KIF6: variants seen among roughly 807,000 people sequenced by gnomAD.
KIF6 encodes the protein kinesin family member 6.
A neutral mutation model predicts 112.7 loss-of-function variants in KIF6; 106 were observed. The ratio of observed to expected loss-of-function variants is 0.94; its 90% CI spans 0.80 to 1.11. The LOEUF is 1.11. Ranked by LOEUF, KIF6 falls within the 50% of genes least tolerant of loss-of-function variation. The pLI is 0.00. For synonymous variants in KIF6, 339 were observed against 339.9 expected, an observed-to-expected ratio of 1.00 and a Z score of 0.03; for missense variants, 929 against 964.0, an observed-to-expected ratio of 0.96 and a Z score of 0.48.
chr6:39,506,953 G>A lies in KIF6; in HGVS notation c.1645+33050C>T, dbSNP rs545265097. ...CCTGGAAACTCCAGGCCATCCCCAT[G>A]CCTTGCCCTGTGCCTCTCTTCCACT... On this transcript the variant is annotated intron_variant, in intron 13 of 22. Transcript: ENST00000287152. 9.9e-5 allele frequency among the ~76,000 whole-genome samples: 15 copies of A among 152,274 alleles called. No homozygotes were observed. The South Asian group carries it at 3.1e-3, about 32-fold the overall frequency.
At chr6:39,487,990 C>CATCTGTCTATCT (rs1775222582) in intron 13 of KIF6, among the ~76,000 whole-genome samples, 1 of 150,876 alleles carries the variant, frequency 6.6e-6, no homozygotes, top group African/African-American at 2.4e-5. Flanking sequence ...CATTTATAGG[C>CATCTGTCTATCT]ATCTATCTAT....
At chr6:39,396,579 A>G (rs891927191) in intron 15 of KIF6, among the ~76,000 whole-genome samples, 8 of 152,158 alleles carry the variant, frequency 5.3e-5, no homozygotes, top group African/African-American at 1.9e-4. Flanking sequence ...TAATGGAAAG[A>G]GCATGGGTTC....
At chr6:39,540,604 C>T (rs530857309) in intron 12 of KIF6, among the ~76,000 whole-genome samples, 3 of 152,308 alleles carry the variant, frequency 2.0e-5, no homozygotes, top group East Asian at 1.9e-4. Context: ...ATGTATCAGC[C>T]CCCTGGGCGA....
chr6:39,391,970 T>C (rs1445595535), intron 15 of KIF6, among the ~76,000 whole-genome samples: 1 of 152,214 alleles, frequency 6.6e-6, no homozygotes, highest in Non-Finnish European at 1.5e-5. Context: ...TGTGTGTGTG[T>C]GTGTATACAT....
rs114907578 is a variant in KIF6 at position 39,364,070 on chromosome 6, C to T, written c.1862-1552G>A. 4.4e-3 allele frequency among the ~76,000 whole-genome samples: 669 copies of T among 151,970 alleles called. 5 individuals are homozygous for T. The highest frequency in any genetic ancestry group is 0.015 in the African/African-American group (637 of 41,386). On this transcript the variant is annotated intron_variant, in intron 16 of 22. Coordinates refer to ENST00000287152, the MANE Select transcript of KIF6 (RefSeq NM_145027.6). ...GGTCCCTTAAATATCTGAACAACAACATCAAAATATCACATGTGTCTGGAA... is the reference window on the plus strand; with the variant it reads ...GGTCCCTTAAATATCTGAACAACAATATCAAAATATCACATGTGTCTGGAA...
At chr6:39,584,827 C>A in intron 9 of KIF6, 71 bp downstream of exon 9, 2 of 894,920 alleles carry the variant, frequency 2.2e-6, no homozygotes. Flanking sequence ...AGAGCAAGTG[C>A]ACCTACAAGT....
chr6:39,620,442 C>T (rs1304905138), intron 5 of KIF6: 1 of 152,182 alleles, frequency 6.6e-6, no homozygotes, highest in Non-Finnish European at 1.5e-5. Flanking sequence ...AAAACCATAG[C>T]ATTTCCTCTG....
At chr6:39,708,556 C>G (rs556619200) in intron 3 of KIF6, among the ~76,000 whole-genome samples, 1 of 152,298 alleles carries the variant, frequency 6.6e-6, no homozygotes, top group African/African-American at 2.4e-5. Flanking sequence ...AGTGCACATT[C>G]TATTCATTTT....
In KIF6 at chr6:39,624,134, T is replaced by C. The variant is rs181088244; in HGVS notation, c.509+10715A>G. On this transcript the variant is annotated intron_variant, in intron 5 of 22. Coordinates refer to ENST00000287152, the MANE Select transcript of KIF6 (RefSeq NM_145027.6). ...CAGCTCTAAATCATGTGTATGCTCT[T>C]TTCACATGTACATACATTATTAGTG... is the stretch of plus-strand genomic sequence containing the variant. Among the ~76,000 whole-genome samples the C allele has an allele frequency of 5.3e-5, 8 of 152,300 alleles. No homozygotes were observed. In the East Asian group the frequency reaches 1.5e-3, roughly 29 times the overall value.
intron 13 of KIF6, among the ~76,000 whole-genome samples, chr6:39,528,827 C>T (rs1777886500): frequency 1.3e-5 from 2 of 152,154 alleles, no homozygotes; most frequent in Non-Finnish European, 2.9e-5. Context: ...AATGTATTCC[C>T]TATCAGAATT....
intron 5 of KIF6, among the ~76,000 whole-genome samples, chr6:39,624,896 T>G (rs1360979180): frequency 8.1e-6 from 1 of 124,192 alleles, no homozygotes; most frequent in Non-Finnish European, 1.5e-5. Context: ...TTGTGTCCCC[T>G]CCAAATTCAT....
intron 13 of KIF6, among the ~76,000 whole-genome samples, chr6:39,520,137 T>G (rs1214824553): frequency 6.6e-6 from 1 of 152,170 alleles, no homozygotes; most frequent in African/African-American, 2.4e-5. Context: ...GTTTCTTATA[T>G]ACTAGCTATG....
At chr6:39,349,954 G>T (rs191490400) in intron 19 of KIF6, among the ~76,000 whole-genome samples, 3 of 152,204 alleles carry the variant, frequency 2.0e-5, no homozygotes, top group Non-Finnish European at 4.4e-5. Context: ...CTAATTTGTG[G>T]CTCTTTGTGT....
At chr6:39,347,031 T>C (rs1763862027) in intron 19 of KIF6, among the ~76,000 whole-genome samples, 1 of 152,244 alleles carries the variant, frequency 6.6e-6, no homozygotes. Flanking sequence ...CTGTCATTGA[T>C]AGACACGCCA....
intron 5 of KIF6, among the ~76,000 whole-genome samples, chr6:39,619,695 G>A (rs888783856): frequency 1.3e-5 from 2 of 152,130 alleles, no homozygotes; most frequent in Non-Finnish European, 1.5e-5. Context: ...AATGATCTAT[G>A]ATCAGCAAAG....
chr6:39,348,372 C>G (rs1393210901), intron 19 of KIF6, among the ~76,000 whole-genome samples: 3 of 152,096 alleles, frequency 2.0e-5, no homozygotes, highest in Admixed American at 2.0e-4. Flanking sequence ...ATAGGGGCAT[C>G]TAGTACTCTT....
chr6:39,394,621 A>G (rs1768124553), intron 15 of KIF6, among the ~76,000 whole-genome samples: 1 of 152,220 alleles, frequency 6.6e-6, no homozygotes, highest in Non-Finnish European at 1.5e-5. Flanking sequence ...TGTTGAGGTC[A>G]GGGCAACAGG....
In KIF6 at chr6:39,688,577, G is replaced by T. The variant is rs533959925; in HGVS notation, c.251+26115C>A. 5.3e-5 allele frequency among the ~76,000 whole-genome samples: 8 copies of T among 152,150 alleles called. No homozygotes were observed. The South Asian group carries it at 1.2e-3, about 24-fold the overall frequency. ...CAATATATTGTGGCCCAGGAGAAAA[G>T]AATGAGAAAAGAAGTACCACAGGAA... On this transcript the variant is annotated intron_variant, in intron 3 of 22. Coordinates refer to ENST00000287152, the MANE Select transcript of KIF6 (RefSeq NM_145027.6).
chr6:39,591,862 C>A (rs960084417), intron 7 of KIF6, among the ~76,000 whole-genome samples: 1 of 152,150 alleles, frequency 6.6e-6, no homozygotes, highest in Admixed American at 6.6e-5. Flanking sequence ...CCTGTAATCC[C>A]AGCACTTTGG....
Sources: gnomAD v4.1 joint callset for allele counts (sites outside exome capture counted in the v4.1 genomes callset) on GRCh38, gnomAD v4.1.1 for gene constraint, MANE v1.5 for transcripts, NCBI Gene and HGNC (gene_info 2026-07-23, HGNC 2026-07-21) for gene names.